Variants in FNIP1 observed in about 807,000 individuals in gnomAD.
FNIP1 encodes the protein folliculin interacting protein 1.
A neutral mutation model predicts 124.5 loss-of-function variants in FNIP1; 40 were observed. That is an observed-to-expected ratio of 0.32 (90% CI 0.25 to 0.42). The LOEUF (loss-of-function observed/expected upper bound fraction) is 0.42. FNIP1 is among the 10% of genes least tolerant of loss of function. The probability of loss-of-function intolerance (pLI) is 1.00; values close to 1 mark genes in which losing one functional copy is unlikely to be tolerated. For missense variants in FNIP1, 1,176 were observed against 1,403.7 expected (o/e 0.84, Z 2.59); for synonymous variants, 472 against 470.6 (o/e 1.00, Z -0.04).
At chr5:131,673,829 A>T (rs1335669803) in intron 13 of FNIP1, among the ~76,000 whole-genome samples, 3 of 152,098 alleles carry the variant, frequency 2.0e-5, no homozygotes, top group Non-Finnish European at 4.4e-5. Context: ...TGAGACCAGG[A>T]GTTCAAGACC....
At chr5:131,701,853 C>T (rs929092064) in intron 10 of FNIP1, among the ~76,000 whole-genome samples, 2 of 152,192 alleles carry the variant, frequency 1.3e-5, no homozygotes, top group African/African-American at 2.4e-5. Flanking sequence ...AGTCAGAACT[C>T]CCTGGCAAGC....
At chr5:131,733,313 C>A (rs1209089935) in intron 2 of FNIP1, among the ~76,000 whole-genome samples, 1 of 152,034 alleles carries the variant, frequency 6.6e-6, no homozygotes, top group South Asian at 2.1e-4. Context: ...AAATGAATAC[C>A]CTTTATTTCT....
intron 10 of FNIP1, among the ~76,000 whole-genome samples, chr5:131,702,745 A>G (rs1038416922): frequency 3.3e-5 from 5 of 152,234 alleles, no homozygotes; most frequent in Non-Finnish European, 7.3e-5. Flanking sequence ...TATCGTATAT[A>G]CTATCTCAGT....
intron 1 of FNIP1, among the ~76,000 whole-genome samples, chr5:131,792,658 G>A (rs73788766): frequency 0.027 from 4,044 of 152,266 alleles, 188 homozygotes; most frequent in African/African-American, 0.092. Flanking sequence ...AGACGCCACA[G>A]TGGAAAACTT....
intron 17 of FNIP1, among the ~76,000 whole-genome samples, chr5:131,646,773 G>A (rs1246015473): frequency 1.3e-5 from 2 of 152,196 alleles, no homozygotes; most frequent in African/African-American, 2.4e-5. Flanking sequence ...AGGCAGGGCA[G>A]ATACTTGGAA....
At chr5:131,767,851 A>G (rs1771492032) in intron 1 of FNIP1, among the ~76,000 whole-genome samples, 2 of 152,336 alleles carry the variant, frequency 1.3e-5, no homozygotes, top group African/African-American at 2.4e-5. Flanking sequence ...CAAAATCTTG[A>G]TTAATATTTA....
chr5:131,716,733 A>AT, intron 5 of FNIP1, 77 bp from the exon 6 acceptor site: 1 of 818,704 alleles, frequency 1.2e-6, no homozygotes, highest in East Asian at 2.8e-5. Flanking sequence ...TCCTGATGAA[A>AT]TTTTAAGTGC....
At chr5:131,702,199 T>C (rs971497994) in intron 10 of FNIP1, among the ~76,000 whole-genome samples, 1 of 152,168 alleles carries the variant, frequency 6.6e-6, no homozygotes, top group East Asian at 1.9e-4. Flanking sequence ...ATTTTACTAT[T>C]TGAGATAGGG....
intron 5 of FNIP1, 50 bp downstream of exon 5, chr5:131,718,936 C>T: frequency 6.7e-7 from 1 of 1,492,920 alleles, no homozygotes; most frequent in Non-Finnish European, 9.3e-7. Flanking sequence ...AGTTTTCATA[C>T]TTTGCACATC....
chr5:131,649,136 T>C (rs995690855), intron 16 of FNIP1, among the ~76,000 whole-genome samples: 2 of 152,228 alleles, frequency 1.3e-5, no homozygotes, highest in Non-Finnish European at 2.9e-5. Flanking sequence ...ATATACTGCC[T>C]GAATCCCTGC....
chr5:131,796,582 A>T, intron 1 of FNIP1: 1 of 534,840 alleles, frequency 1.9e-6, no homozygotes, highest in Non-Finnish European at 3.3e-6. Context: ...GGCTGGGGGC[A>T]GGTCGTAAAC....
rs149747135 is a variant in FNIP1, at chr5:131,755,452, A to G, written c.93-10762T>C. Among the ~76,000 whole-genome samples the G allele has an allele frequency of 3.1e-3, 475 of 151,954 alleles. 3 individuals carry two copies. The highest frequency in any genetic ancestry group is 0.011 in the African/African-American group (453 of 41,450). On this transcript the variant is annotated intron_variant, in intron 1 of 17. Transcript: ENST00000510461. ...AAAAAAAACGAAGAAGAAGAAAAAGAAAAAGAAAAATGGTCTGAGGAGAAT... is the reference window on the plus strand; with the variant it reads ...AAAAAAAACGAAGAAGAAGAAAAAGGAAAAGAAAAATGGTCTGAGGAGAAT...
chr5:131,689,552 T>C (rs965120887), intron 11 of FNIP1, among the ~76,000 whole-genome samples: 2 of 152,212 alleles, frequency 1.3e-5, no homozygotes, highest in Non-Finnish European at 2.9e-5. Context: ...GAAATTGGAA[T>C]ATTTTGTTAT....
chr5:131,743,522 C>T (rs1029143963), intron 2 of FNIP1, among the ~76,000 whole-genome samples: 8 of 151,656 alleles, frequency 5.3e-5, no homozygotes, highest in African/African-American at 1.9e-4. Flanking sequence ...CTGAGAGGGA[C>T]GAAGAGGCCA....
intron 12 of FNIP1, among the ~76,000 whole-genome samples, chr5:131,678,381 T>C (rs1160926601): frequency 6.6e-6 from 1 of 152,162 alleles, no homozygotes; most frequent in Non-Finnish European, 1.5e-5. Context: ...AATGCATCAT[T>C]AGAATCCTAC....
rs2149500030 is a variant in FNIP1, at chr5:131,643,881, A to G, written c.*804T>C. 1 of 152,694 alleles carries G rather than the reference A, an allele frequency of 6.5e-6. No homozygotes were observed. Among genetic ancestry groups the G allele is most frequent in the South Asian group, 2.1e-4 (1 of 4,830 alleles). The allele number at this position is 152,694 out of a possible 1,614,324, so 9.5% of individuals were successfully genotyped here. A position where few individuals can be genotyped will look rare whatever the true frequency, so the allele number is the denominator to read the frequency against. ...GAATATGTAAATATTAATATTTATAAGAACAGTTCATACTTATAAACAAAT... is the reference window on the plus strand; with the variant it reads ...GAATATGTAAATATTAATATTTATAGGAACAGTTCATACTTATAAACAAAT... On this transcript the variant is annotated 3_prime_UTR_variant, in exon 18 of 18. Transcript: ENST00000510461.
chr5:131,705,950 T>C (rs1769093884), intron 9 of FNIP1, among the ~76,000 whole-genome samples: 1 of 152,086 alleles, frequency 6.6e-6, no homozygotes, highest in Admixed American at 6.5e-5. Context: ...TGCTACAACA[T>C]CGATAAACCT....
At chr5:131,760,703 C>G (rs1052795178) in intron 1 of FNIP1, among the ~76,000 whole-genome samples, 5 of 152,052 alleles carry the variant, frequency 3.3e-5, no homozygotes, top group African/African-American at 4.8e-5. Flanking sequence ...ACTGAAAACA[C>G]GGAAGGTGAT....
intron 1 of FNIP1, among the ~76,000 whole-genome samples, chr5:131,759,320 C>A (rs1771150120): frequency 6.6e-6 from 1 of 152,154 alleles, no homozygotes; most frequent in African/African-American, 2.4e-5. Context: ...AGACAACCAA[C>A]AGAATGGGAG....
Sources: allele counts gnomAD v4.1 joint callset (sites outside exome capture counted in the v4.1 genomes callset), GRCh38; gene constraint gnomAD v4.1.1; transcripts MANE v1.5; gene names NCBI Gene and HGNC (gene_info 2026-07-23, HGNC 2026-07-21).